Variants in SOX6 observed in about 807,000 individuals in gnomAD.
The protein encoded by SOX6 is transcription factor SOX-6.
A neutral mutation model predicts 97.8 loss-of-function variants in SOX6; 11 were observed. The observed-to-expected ratio is 0.11, with a 90% CI of 0.07 to 0.19. The LOEUF (loss-of-function observed/expected upper bound fraction) is 0.19, where lower values mean the gene tolerates loss of function less well. Among genes scored for constraint, SOX6 ranks in the 10% least tolerant of loss-of-function variants. The pLI is 1.00. For synonymous variants in SOX6, 360 were observed against 371.4 expected (o/e 0.97, Z 0.35); for missense variants, 810 against 1,039.5 (o/e 0.78, Z 3.04).
chr11:15,988,436 T>C (rs1445161341), intron 14 of SOX6, among the ~76,000 whole-genome samples: 1 of 152,262 alleles, frequency 6.6e-6, no homozygotes, highest in Non-Finnish European at 1.5e-5. Context: ...TCATATCTTA[T>C]TAAAATAATT....
intron 4 of SOX6, among the ~76,000 whole-genome samples, chr11:16,200,430 G>A (rs563935245): frequency 1.3e-5 from 2 of 152,254 alleles, no homozygotes; most frequent in Admixed American, 6.5e-5. Flanking sequence ...TTAATTAAAT[G>A]GGTATTTGTA....
At chr11:16,508,990 A>T (rs1004115329) in intron 4 of SOX6, among the ~76,000 whole-genome samples, 16 of 152,132 alleles carry the variant, frequency 1.1e-4, no homozygotes, top group African/African-American at 3.6e-4. Flanking sequence ...ACAATTAAAT[A>T]AAAAGAAAAA....
At chr11:16,137,043 T>G (rs868491263) in intron 6 of SOX6, among the ~76,000 whole-genome samples, 4 of 152,234 alleles carry the variant, frequency 2.6e-5, no homozygotes, top group Admixed American at 2.0e-4. Flanking sequence ...AAATAATATG[T>G]GCCTTGGAAG....
chr11:15,991,148 A>C (rs1854038347), intron 13 of SOX6, among the ~76,000 whole-genome samples: 1 of 152,238 alleles, frequency 6.6e-6, no homozygotes, highest in Admixed American at 6.5e-5. Flanking sequence ...CCTACTAGAC[A>C]GAATGATCCT....
chr11:15,990,046 G>A (rs183089185), intron 13 of SOX6, among the ~76,000 whole-genome samples: 9 of 152,160 alleles, frequency 5.9e-5, no homozygotes, highest in Admixed American at 3.9e-4. Context: ...GATGGGAAGG[G>A]TAATTCAGGG....
chr11:16,048,483 GT>G (rs1458226236), intron 11 of SOX6, among the ~76,000 whole-genome samples: 2 of 152,174 alleles, frequency 1.3e-5, no homozygotes, highest in African/African-American at 4.8e-5. Context: ...TGAGTAACAT[GT>G]GAGAGGACCT....
intron 4 of SOX6, among the ~76,000 whole-genome samples, chr11:16,212,185 A>G (rs1852250138): frequency 6.6e-6 from 1 of 152,186 alleles, no homozygotes; most frequent in Admixed American, 6.5e-5. Flanking sequence ...GCAGAGTGGC[A>G]TGGATAGTCT....
At chr11:16,373,962 T>C (rs1857576660) in intron 1 of SOX6, among the ~76,000 whole-genome samples, 1 of 151,752 alleles carries the variant, frequency 6.6e-6, no homozygotes, top group Non-Finnish European at 1.5e-5. Context: ...AGCTAACTTA[T>C]CTTTATTAAT....
intron 1 of SOX6, among the ~76,000 whole-genome samples, chr11:16,415,733 A>T (rs1858912900): frequency 6.6e-6 from 1 of 152,188 alleles, no homozygotes; most frequent in Non-Finnish European, 1.5e-5. Flanking sequence ...ACACCATGGA[A>T]TACACAGGCA....
intron 3 of SOX6, among the ~76,000 whole-genome samples, chr11:16,237,393 T>TA (rs1010436211): frequency 5.3e-5 from 8 of 152,012 alleles, no homozygotes; most frequent in Non-Finnish European, 1.0e-4. Flanking sequence ...AAGTTACAAA[T>TA]AAAATTTATG....
intron 4 of SOX6, among the ~76,000 whole-genome samples, chr11:16,214,492 G>A (rs1327807490): frequency 6.6e-6 from 1 of 152,062 alleles, no homozygotes; most frequent in Non-Finnish European, 1.5e-5. Flanking sequence ...CTGCCTTTAT[G>A]TTCTTCATTC....
chr11:16,257,666 A>C (rs1452143337), intron 3 of SOX6, among the ~76,000 whole-genome samples: 1 of 151,934 alleles, frequency 6.6e-6, no homozygotes, highest in Non-Finnish European at 1.5e-5. Context: ...TTTAGCCAGA[A>C]CACTAAAGGC....
At chr11:16,473,653 G>C (rs1207943590) in intron 1 of SOX6, among the ~76,000 whole-genome samples, 1 of 151,300 alleles carries the variant, frequency 6.6e-6, no homozygotes, top group Non-Finnish European at 1.5e-5. Context: ...CTGGGTTCAA[G>C]CAATTCTTCT....
intron 4 of SOX6, among the ~76,000 whole-genome samples, chr11:16,533,001 A>G (rs1231551314): frequency 1.3e-5 from 2 of 151,924 alleles, no homozygotes; most frequent in East Asian, 3.9e-4. Flanking sequence ...GTTCAGCATA[A>G]TGCAAGTATA....
At position 16,630,627 on chromosome 11, in the gene SOX6, A is replaced by G. The variant is rs188695225; in HGVS notation, n.430-18367T>C. On this transcript the variant is annotated intron_variant and non_coding_transcript_variant, in intron 3 of 5. Coordinates refer to the SOX6 transcript ENST00000524520. The stretch of plus-strand genomic sequence containing the variant: ...GTCCAGTTGGTCAAGTGACAAGTTT[A>G]AGTCTAAAATTTGTTAGTTTTCTGC... 5.3e-4 allele frequency among the ~76,000 whole-genome samples: 80 copies of G among 151,932 alleles called. 1 individual carries two copies. The highest frequency in any genetic ancestry group is 1.8e-4 in the Non-Finnish European group (12 of 67,968).
intron 12 of SOX6, among the ~76,000 whole-genome samples, chr11:16,016,450 T>C (rs900523257): frequency 2.0e-5 from 3 of 152,196 alleles, no homozygotes; most frequent in Middle Eastern, 6.8e-3. Flanking sequence ...TAAATAGCAG[T>C]ATGTAGGGAA....
At chr11:16,624,804 TG>T (rs911877073) in intron 3 of SOX6, among the ~76,000 whole-genome samples, 1 of 152,230 alleles carries the variant, frequency 6.6e-6, no homozygotes, top group Non-Finnish European at 1.5e-5. Context: ...CCAGTTTGTT[TG>T]GTCAGTTTTT....
At chr11:16,686,266 T>G (rs1303920444) in intron 3 of SOX6, among the ~76,000 whole-genome samples, 1 of 152,282 alleles carries the variant, frequency 6.6e-6, no homozygotes, top group African/African-American at 2.4e-5. Context: ...ATCTTTTTCT[T>G]TCTTTGCCAC....
At chr11:16,716,468 G>A (rs1448961855) in intron 2 of SOX6, among the ~76,000 whole-genome samples, 1 of 152,082 alleles carries the variant, frequency 6.6e-6, no homozygotes, top group Admixed American at 6.5e-5. Context: ...TCATATTAGT[G>A]ATCATTTCAT....
Sources: allele counts gnomAD v4.1 joint callset (sites outside exome capture counted in the v4.1 genomes callset), GRCh38; gene constraint gnomAD v4.1.1; transcripts MANE v1.5; gene names NCBI Gene and HGNC (gene_info 2026-07-23, HGNC 2026-07-21).